CSTPP1: variants seen among roughly 807,000 people sequenced by gnomAD.
CSTPP1 encodes UPF0705 protein C11orf49.
chr11:46,987,318 C>T, the CSTPP1 span: 4 of 1,609,232 alleles, frequency 2.5e-6, no homozygotes, highest in African/African-American at 5.3e-5. Flanking sequence ...ATAGTAAGTA[C>T]ATGAATGTTG....
At chr11:46,948,013 TA>T in the CSTPP1 span, 12 of 455,884 alleles carry the variant, frequency 2.6e-5, 1 homozygote, top group Admixed American at 2.8e-4. Flanking sequence ...GAAAATTCTG[TA>T]TTTTAAAATA....
the CSTPP1 span, among the ~76,000 whole-genome samples, chr11:47,122,083 A>T: frequency 2.3e-4 from 20 of 88,844 alleles, no homozygotes; most frequent in Non-Finnish European, 2.0e-4. Flanking sequence ...AAAAAAAAAA[A>T]AAAAAAAAAT....
chr11:46,983,317 T>G, the CSTPP1 span, among the ~76,000 whole-genome samples: 1 of 152,206 alleles, frequency 6.6e-6, no homozygotes, highest in Non-Finnish European at 1.5e-5. Context: ...GATCATATAG[T>G]GTTTACTTAC....
At chr11:47,075,650 G>T in the CSTPP1 span, among the ~76,000 whole-genome samples, 1 of 151,976 alleles carries the variant, frequency 6.6e-6, no homozygotes. Context: ...AGGCGTGGTG[G>T]CCTCACGCCT....
chr11:47,009,423 A>G, the CSTPP1 span, among the ~76,000 whole-genome samples: 1 of 152,236 alleles, frequency 6.6e-6, no homozygotes, highest in Admixed American at 6.5e-5. Flanking sequence ...GGACTAGTAC[A>G]AGGTAAAAAG....
At chr11:46,984,974 T>C in the CSTPP1 span, among the ~76,000 whole-genome samples, 1 of 152,022 alleles carries the variant, frequency 6.6e-6, no homozygotes, top group African/African-American at 2.4e-5. Context: ...TACCAGAAAT[T>C]GGCAGGTATT....
chr11:47,031,588 T>G, the CSTPP1 span, among the ~76,000 whole-genome samples: 1 of 152,062 alleles, frequency 6.6e-6, no homozygotes, highest in African/African-American at 2.4e-5. Context: ...TCCCAGCTAC[T>G]TGGGAGGCTG....
chr11:46,976,794 A>C, the CSTPP1 span, among the ~76,000 whole-genome samples: 3 of 152,132 alleles, frequency 2.0e-5, no homozygotes, highest in African/African-American at 4.8e-5. Context: ...TGCATACTCA[A>C]GTCCTGCAGT....
the CSTPP1 span, among the ~76,000 whole-genome samples, chr11:46,938,761 CT>C: frequency 7.0e-4 from 86 of 123,476 alleles, no homozygotes; most frequent in South Asian, 9.7e-4. Flanking sequence ...CCATGCACAT[CT>C]TTTTTTTTTT....
the CSTPP1 span, among the ~76,000 whole-genome samples, chr11:47,145,043 A>G: frequency 8.0e-6 from 1 of 124,886 alleles, no homozygotes; most frequent in Non-Finnish European, 1.6e-5. Context: ...GCTGGAGTGC[A>G]GTGGCATGAT....
At chr11:46,954,568 T>A in the CSTPP1 span, among the ~76,000 whole-genome samples, 2 of 151,808 alleles carry the variant, frequency 1.3e-5, no homozygotes, top group South Asian at 2.1e-4. Context: ...AATAAATAAA[T>A]AAAAAATAAA....
the CSTPP1 span, among the ~76,000 whole-genome samples, chr11:46,982,647 T>A: frequency 6.6e-6 from 1 of 152,148 alleles, no homozygotes; most frequent in Admixed American, 6.5e-5. Context: ...GCTGAGTAAT[T>A]AGCAGTTAAT....
chr11:47,114,101 G>A, the CSTPP1 span, among the ~76,000 whole-genome samples: 83 of 152,190 alleles, frequency 5.5e-4, no homozygotes, highest in African/African-American at 1.7e-3. Context: ...TTATTAAATA[G>A]GGAATCCTTT....
At chr11:46,991,967 C>A in the CSTPP1 span, among the ~76,000 whole-genome samples, 1 of 152,138 alleles carries the variant, frequency 6.6e-6, no homozygotes, top group Admixed American at 6.5e-5. Flanking sequence ...TCTTGAACTC[C>A]TGGCCTCAAG....
chr11:46,968,789 C>T, the CSTPP1 span, among the ~76,000 whole-genome samples: 2,616 of 152,026 alleles, frequency 0.017, 68 homozygotes, highest in African/African-American at 0.06. Context: ...ATCCCAGCTA[C>T]TCAGGAGGCT....
chr11:47,101,696 G>A, the CSTPP1 span, among the ~76,000 whole-genome samples: 39 of 151,868 alleles, frequency 2.6e-4, no homozygotes, highest in South Asian at 6.3e-3. Flanking sequence ...ACAATAGCCC[G>A]AGTTCTCTTC....
At chr11:47,116,363 G>T in the CSTPP1 span, among the ~76,000 whole-genome samples, 326 of 152,270 alleles carry the variant, frequency 2.1e-3, no homozygotes, top group African/African-American at 7.6e-3. Context: ...TCAGGTCCTG[G>T]ATATCCTTGT....
chr11:47,161,182 G>C, the CSTPP1 span: 2 of 1,614,154 alleles, frequency 1.2e-6, no homozygotes, highest in Non-Finnish European at 1.7e-6. Flanking sequence ...ATGAAGAGCT[G>C]GAACGGCTGT....
the CSTPP1 span, among the ~76,000 whole-genome samples, chr11:47,155,432 C>T: frequency 2.0e-5 from 3 of 152,148 alleles, no homozygotes; most frequent in Non-Finnish European, 4.4e-5. Flanking sequence ...GTGGTGGTCA[C>T]AAGATTCAGT....
Sources: gnomAD v4.1 joint callset for allele counts (sites outside exome capture counted in the v4.1 genomes callset) on GRCh38, gnomAD v4.1.1 for gene constraint, MANE v1.5 for transcripts, NCBI Gene and HGNC (gene_info 2026-07-23, HGNC 2026-07-21) for gene names.